The following KLHL13 variants were observed in gnomAD, a reference collection of about 807,000 sequenced individuals.
KLHL13 encodes the protein kelch like family member 13, also known as kelch-like protein 13.
A neutral mutation model predicts 37.1 loss-of-function variants in KLHL13; 10 were observed. The observed-to-expected ratio is 0.27, with a 90% CI of 0.17 to 0.46. The LOEUF (loss-of-function observed/expected upper bound fraction) is 0.46, where lower values mean the gene tolerates loss of function less well. Among genes scored for constraint, KLHL13 ranks in the 20% least tolerant of loss-of-function variants. KLHL13 has a pLI of 1.00. For missense variants in KLHL13, 360 were observed against 509.3 expected (o/e 0.71, Z 2.82); for synonymous variants, 163 against 181.2 (o/e 0.90, Z 0.81).
chrX:117,972,800 G>A, exon 1 of KLHL13: 1 of 1,211,487 alleles, frequency 8.3e-7, no homozygotes, highest in Non-Finnish European at 1.1e-6. Flanking sequence ...CCAGATAGCA[G>A]GAGAGCTCGT....
At chrX:118,029,848 G>A (rs1487714136) in intron 1 of KLHL13, among the ~76,000 whole-genome samples, 1 of 110,063 alleles carries the variant, frequency 9.1e-6, no homozygotes, top group Non-Finnish European at 1.9e-5. Flanking sequence ...TGTGCCTGTA[G>A]ACCCAGCTAC....
At chrX:117,995,464 G>T (rs2053844664) in intron 1 of KLHL13, among the ~76,000 whole-genome samples, 1 of 110,874 alleles carries the variant, frequency 9.0e-6, no homozygotes, top group Non-Finnish European at 1.9e-5. Flanking sequence ...TAAGTTCCAG[G>T]ATACATGTGC....
chrX:118,047,996 T>G (rs900768067), intron 1 of KLHL13, among the ~76,000 whole-genome samples: 2 of 111,211 alleles, frequency 1.8e-5, no homozygotes, highest in Non-Finnish European at 3.8e-5. Context: ...GACAACTTAG[T>G]GTAGTGACAG....
intron 2 of KLHL13, among the ~76,000 whole-genome samples, chrX:117,933,129 A>G (rs1365720344): frequency 9.1e-6 from 1 of 110,483 alleles, no homozygotes; most frequent in Non-Finnish European, 1.9e-5. Flanking sequence ...TATCAGATGC[A>G]TAGTTTGCAA....
intron 4 of KLHL13, among the ~76,000 whole-genome samples, chrX:117,916,740 T>G (rs892389621): frequency 8.9e-5 from 10 of 112,480 alleles, no homozygotes; most frequent in Non-Finnish European, 1.7e-4. Context: ...AACAGAATTG[T>G]ATTAGAAGGG....
intron 1 of KLHL13, among the ~76,000 whole-genome samples, chrX:118,074,848 G>C (rs1051051394): frequency 9.0e-6 from 1 of 111,266 alleles, no homozygotes; most frequent in African/African-American, 3.3e-5. Context: ...TATCCCTCCC[G>C]AAGTGTTCCC....
intron 5 of KLHL13, among the ~76,000 whole-genome samples, chrX:117,904,395 T>C (rs1169069531): frequency 1.8e-5 from 2 of 110,950 alleles, no homozygotes; most frequent in Non-Finnish European, 3.8e-5. Context: ...ACAACTCTGA[T>C]GGGAAGAGGG....
At chrX:118,088,063 G>A (rs970787432) in intron 1 of KLHL13, among the ~76,000 whole-genome samples, 2 of 111,852 alleles carry the variant, frequency 1.8e-5, no homozygotes, top group Non-Finnish European at 3.8e-5. Context: ...GCAAGAGCAG[G>A]GGAAAGCAAT....
At chrX:118,088,930 A>G (rs1203884100) in intron 1 of KLHL13, among the ~76,000 whole-genome samples, 2 of 111,704 alleles carry the variant, frequency 1.8e-5, no homozygotes, top group East Asian at 5.6e-4. Context: ...TTTTTGCCTA[A>G]TATATTCAAG....
At chrX:117,914,841 A>T (rs1486882567) in intron 4 of KLHL13, among the ~76,000 whole-genome samples, 1 of 112,409 alleles carries the variant, frequency 8.9e-6, no homozygotes, top group Admixed American at 9.4e-5. Flanking sequence ...GAGGTTGAAG[A>T]GGTTTGAGCC....
At chrX:117,990,302 G>A (rs376079320) in intron 1 of KLHL13, among the ~76,000 whole-genome samples, 5 of 111,004 alleles carry the variant, frequency 4.5e-5, no homozygotes, top group East Asian at 5.6e-4. Context: ...GGATCAATAG[G>A]TGACTGCTGA....
chrX:117,930,213 G>C (rs1200433769), intron 2 of KLHL13, among the ~76,000 whole-genome samples: 1 of 98,833 alleles, frequency 1.0e-5, no homozygotes, highest in Non-Finnish European at 2.0e-5. Context: ...AGGATGAAAA[G>C]GAAGAAGGAA....
At chrX:118,047,965 TTAAG>T (rs940369834) in intron 1 of KLHL13, among the ~76,000 whole-genome samples, 24 of 111,327 alleles carry the variant, frequency 2.2e-4, no homozygotes, top group African/African-American at 2.6e-4. Context: ...TGCTGAGAGA[TTAAG>T]TAAGGAAGTG....
At chrX:118,055,063 G>C (rs1358099309) in intron 1 of KLHL13, among the ~76,000 whole-genome samples, 1 of 111,433 alleles carries the variant, frequency 9.0e-6, no homozygotes, top group Non-Finnish European at 1.9e-5. Flanking sequence ...ACTAAATTAG[G>C]TCACTCTACT....
chrX:118,060,553 G>A (rs2054730350), intron 1 of KLHL13, among the ~76,000 whole-genome samples: 1 of 110,703 alleles, frequency 9.0e-6, no homozygotes, highest in African/African-American at 3.3e-5. Flanking sequence ...CTTTACATTA[G>A]TTACTTTACC....
intron 1 of KLHL13, among the ~76,000 whole-genome samples, chrX:118,036,273 C>T (rs2054439266): frequency 9.0e-6 from 1 of 111,070 alleles, no homozygotes; most frequent in Admixed American, 9.5e-5. Context: ...CAAAAAAGAG[C>T]CCGCATCACC....
chrX:117,980,077 A>AT (rs1046924016), intron 1 of KLHL13, among the ~76,000 whole-genome samples: 2 of 111,682 alleles, frequency 1.8e-5, no homozygotes, highest in African/African-American at 6.5e-5. Context: ...AGTTTCACTT[A>AT]TTTTTTTTAA....
chrX:118,031,895 G>A (rs919226271), intron 1 of KLHL13, among the ~76,000 whole-genome samples: 7 of 109,177 alleles, frequency 6.4e-5, no homozygotes, highest in Admixed American at 9.9e-5. Flanking sequence ...CACCGTGCGC[G>A]AGCCGAAGCA....
chrX:118,032,153 G>C (rs1027110473), intron 1 of KLHL13, among the ~76,000 whole-genome samples: 1 of 111,191 alleles, frequency 9.0e-6, no homozygotes, highest in Admixed American at 9.5e-5. Context: ...AGGCGGCAGC[G>C]AGGCTGGGGG....
Sources: allele counts gnomAD v4.1 joint callset (sites outside exome capture counted in the v4.1 genomes callset), GRCh38; gene constraint gnomAD v4.1.1; transcripts MANE v1.5; gene names NCBI Gene and HGNC (gene_info 2026-07-23, HGNC 2026-07-21).